SPINK9: variants seen among roughly 807,000 people sequenced by gnomAD.
The protein encoded by SPINK9 is serine peptidase inhibitor Kazal type 9, also known as serine protease inhibitor Kazal-type 9.
SPINK9 carries 3 observed loss-of-function variants against 10.8 expected under a neutral mutation model. The ratio of observed to expected loss-of-function variants is 0.28; its 90% CI spans 0.13 to 0.72. The LOEUF is 0.72. Among genes scored for constraint, SPINK9 ranks in the 30% least tolerant of loss-of-function variants. The pLI is 0.74. For synonymous variants in SPINK9, 30 were observed against 31.2 expected, an observed-to-expected ratio of 0.96 and a Z score of 0.12; for missense variants, 101 against 103.2, an observed-to-expected ratio of 0.98 and a Z score of 0.09.
chr5:148,335,779 C>G lies in SPINK9; in HGVS notation c.55+111C>G, dbSNP rs545862668. 160 of 1,301,466 alleles carry G rather than the reference C, an allele frequency of 1.2e-4. 1 individual carries two copies. In the African/African-American group the frequency reaches 2.2e-3, roughly 18 times the overall value. 80.6% of individuals were successfully genotyped at this position (1,301,466 alleles called of 1,614,324 possible). ...TTCATCACATAAATAATAAGGGAAA[C>G]TTTTTAAAATGAATCTTTTGCCTCA... On this transcript the variant is annotated intron_variant, in intron 1 of 3. Transcript: ENST00000377906.
At chr5:148,330,557 G>T (rs1315622843) in intron 2 of SPINK9, among the ~76,000 whole-genome samples, 1 of 152,174 alleles carries the variant, frequency 6.6e-6, no homozygotes, top group Middle Eastern at 3.2e-3. Flanking sequence ...TATGATGTTA[G>T]CTGGTTATTT....
chr5:148,331,929 G>C (rs1160714216), upstream of SPINK9, among the ~76,000 whole-genome samples: 1 of 152,136 alleles, frequency 6.6e-6, no homozygotes. Flanking sequence ...GACTTTGATA[G>C]GGAATATGTT....
chr5:148,331,101 CCACTGTCCAGCACT>C (rs1165783845), upstream of SPINK9, among the ~76,000 whole-genome samples: 1 of 152,184 alleles, frequency 6.6e-6, no homozygotes, highest in Non-Finnish European at 1.5e-5. Flanking sequence ...TGTCCTGCAC[CCACTGTCCAGCACT>C]CCCCAGTGAG....
intron 2 of SPINK9, among the ~76,000 whole-genome samples, chr5:148,325,732 A>T (rs887850301): frequency 1.3e-5 from 2 of 152,146 alleles, no homozygotes; most frequent in Non-Finnish European, 2.9e-5. Context: ...TTCAATTTTC[A>T]TAATGTCCAA....
At position 148,339,663 on chromosome 5, in the gene SPINK9, A is replaced by G. The variant is rs747555563; in HGVS notation, c.216-4A>G. 6.2e-7 allele frequency: 1 copy of G among 1,612,458 alleles called. No homozygotes were observed. The highest frequency in any genetic ancestry group is 1.1e-5 in the South Asian group (1 of 91,030). On this transcript the variant is annotated splice_region_variant and splice_polypyrimidine_tract_variant and intron_variant, in intron 3 of 3. Transcript: ENST00000377906. ...TCTCATTTGTTGCTATATTCTCTCC[A>G]CAGGAAAACTGACGGCACACTTAAA...
At chr5:148,331,475 G>A (rs57051063), upstream of SPINK9, among the ~76,000 whole-genome samples, 3,314 of 152,226 alleles carry the variant, frequency 0.022, 105 homozygotes, top group African/African-American at 0.075. Flanking sequence ...GCTATGGGTC[G>A]GGAAGTGGAG....
chr5:148,328,369 C>A (rs1757098340), intron 2 of SPINK9, among the ~76,000 whole-genome samples: 1 of 152,144 alleles, frequency 6.6e-6, no homozygotes. Flanking sequence ...TGAGACTTTG[C>A]TGAAGTTGCG....
chr5:148,332,170 G>A (rs1208583548), upstream of SPINK9, among the ~76,000 whole-genome samples: 3 of 152,224 alleles, frequency 2.0e-5, no homozygotes, highest in Admixed American at 6.5e-5. Flanking sequence ...GTTGTGTAAA[G>A]TGGGTACTAG....
intron 2 of SPINK9, among the ~76,000 whole-genome samples, chr5:148,325,021 A>C (rs1000060844): frequency 1.3e-5 from 2 of 152,082 alleles, no homozygotes; most frequent in Non-Finnish European, 2.9e-5. Flanking sequence ...TATATAAATA[A>C]AATCATGCAA....
At chr5:148,333,374 C>A (rs576640016), upstream of SPINK9, among the ~76,000 whole-genome samples, 1 of 152,338 alleles carries the variant, frequency 6.6e-6, no homozygotes, top group East Asian at 1.9e-4. Flanking sequence ...TACACAGCAT[C>A]TTTTACTGAA....
intron 2 of SPINK9, 55 bp from the exon 3 acceptor site, chr5:148,338,423 C>T (rs1757245412): frequency 6.5e-7 from 1 of 1,534,164 alleles, no homozygotes; most frequent in African/African-American, 1.4e-5. Flanking sequence ...AATCCTAAAT[C>T]CTGATAATAA....
upstream of SPINK9, among the ~76,000 whole-genome samples, chr5:148,332,145 G>A (rs78225471): frequency 0.02 from 3,088 of 152,298 alleles, 52 homozygotes; most frequent in Non-Finnish European, 0.033. Flanking sequence ...ACTTAAAAAG[G>A]TGTTCTTCCT....
At position 148,336,470 on chromosome 5, in the gene SPINK9, T is replaced by C. The variant is rs199518912; in HGVS notation, c.87+17T>C. On this transcript the variant is annotated intron_variant, in intron 2 of 3. Coordinates refer to ENST00000377906, the MANE Select transcript of SPINK9 (RefSeq NM_001040433.2). ...AAACAGATGGTCAGTACACCCATCC[T>C]ACTTTTATGTAATTTTAAAGTCAAT... The C allele has an allele frequency of 3.3e-5, 53 of 1,612,042 alleles. No homozygotes were observed. The Admixed American group carries it at 6.5e-4, about 20-fold the overall frequency.
upstream of SPINK9, among the ~76,000 whole-genome samples, chr5:148,332,962 G>A (rs148780522): frequency 6.2e-4 from 95 of 152,204 alleles, no homozygotes; most frequent in African/African-American, 2.2e-3. Flanking sequence ...ATTTAAAGAT[G>A]AGTCTTAAAT....
chr5:148,323,457 C>G (rs760535705), intron 1 of SPINK9, among the ~76,000 whole-genome samples: 3 of 152,156 alleles, frequency 2.0e-5, no homozygotes, highest in Non-Finnish European at 4.4e-5. Context: ...TGAGTTCCCA[C>G]TGAAGTGTGA....
intron 1 of SPINK9, among the ~76,000 whole-genome samples, chr5:148,321,782 A>G (rs562080561): frequency 6.6e-6 from 1 of 152,344 alleles, no homozygotes; most frequent in East Asian, 1.9e-4. Flanking sequence ...ACCCACAAAG[A>G]AAAGCATTGT....
chr5:148,324,104 T>C (rs575604833), intron 2 of SPINK9, among the ~76,000 whole-genome samples: 1 of 152,314 alleles, frequency 6.6e-6, no homozygotes, highest in South Asian at 2.1e-4. Context: ...TAAATCACTT[T>C]CTTTGCAACA....
rs1561764855 is a variant in SPINK9 at position 148,323,834 on chromosome 5, A to G, written c.84A>G (p.Arg28=). The G allele has an allele frequency of 1.0e-5, 7 of 701,416 alleles. No individual in the cohort carries two copies. The East Asian group carries it at 1.6e-4, about 16-fold the overall frequency. 43.4% of individuals were successfully genotyped at this position (701,416 alleles called of 1,614,324 possible). A position where few individuals can be genotyped will look rare whatever the true frequency, so the allele number is the denominator to read the frequency against. ...CAGGAGAACACAATGAACCCAGGAGACTCATGGGCTTAACGCAACCTGAAC... is the reference window on the plus strand; with the variant it reads ...CAGGAGAACACAATGAACCCAGGAGGCTCATGGGCTTAACGCAACCTGAAC... The change falls in exon 2 of 5, where the codon AGA becomes AGG. Residue 28 remains arginine (R), a synonymous_variant. Transcript: ENST00000511717.
At chr5:148,328,500 A>C (rs929470737) in intron 2 of SPINK9, among the ~76,000 whole-genome samples, 14 of 151,988 alleles carry the variant, frequency 9.2e-5, no homozygotes, top group South Asian at 8.3e-4. Context: ...TTATTTCCTT[A>C]TCCTGCCTGA....
Sources: allele counts gnomAD v4.1 joint callset (sites outside exome capture counted in the v4.1 genomes callset), GRCh38; gene constraint gnomAD v4.1.1; transcripts MANE v1.5; gene names NCBI Gene and HGNC (gene_info 2026-07-23, HGNC 2026-07-21).